Variants in DAB1 observed in about 807,000 individuals in gnomAD.
DAB1 encodes the protein DAB adaptor protein 1, also known as disabled homolog 1.
A neutral mutation model predicts 64.6 loss-of-function variants in DAB1; 15 were observed. That is an observed-to-expected ratio of 0.23 (90% CI 0.16 to 0.36). The LOEUF is 0.36. Ranked by LOEUF, DAB1 falls within the 10% of genes least tolerant of loss-of-function variation. The pLI, the probability that DAB1 is intolerant of heterozygous loss-of-function variation, is 1.00. For missense variants in DAB1, 596 were observed against 706.7 expected, an observed-to-expected ratio of 0.84 and a Z score of 1.78; for synonymous variants, 235 against 251.9, an observed-to-expected ratio of 0.93 and a Z score of 0.64.
At chr1:57,868,349 G>C (rs868757882) in intron 1 of DAB1, among the ~76,000 whole-genome samples, 2 of 152,102 alleles carry the variant, frequency 1.3e-5, no homozygotes, top group African/African-American at 4.8e-5. Context: ...GATTTCTTTC[G>C]TGCTGGGAGG....
At chr1:58,327,909 A>G (rs1446927528) in intron 4 of DAB1, among the ~76,000 whole-genome samples, 1 of 152,210 alleles carries the variant, frequency 6.6e-6, no homozygotes, top group Non-Finnish European at 1.5e-5. Context: ...TAAACCACCC[A>G]GATCCCCCTT....
chr1:57,375,454 TTA>T (rs1416746192), intron 1 of DAB1, among the ~76,000 whole-genome samples: 1 of 151,984 alleles, frequency 6.6e-6, no homozygotes, highest in African/African-American at 2.4e-5. Context: ...CAGCCAAGAG[TTA>T]TATGATGCTT....
At chr1:57,973,274 A>G (rs1645841492) in intron 5 of DAB1, among the ~76,000 whole-genome samples, 2 of 152,196 alleles carry the variant, frequency 1.3e-5, no homozygotes, top group Non-Finnish European at 2.9e-5. Flanking sequence ...CAGAAGCTCA[A>G]AGAGGCAAGG....
intron 1 of DAB1, among the ~76,000 whole-genome samples, chr1:57,397,162 A>G (rs984294173): frequency 1.3e-5 from 2 of 152,194 alleles, no homozygotes; most frequent in African/African-American, 2.4e-5. Flanking sequence ...TTTGGGAAAG[A>G]AAACACATTA....
intron 4 of DAB1, among the ~76,000 whole-genome samples, chr1:58,223,760 G>A (rs602226): frequency 0.95 from 145,052 of 152,258 alleles, 69,228 homozygotes; most frequent in Non-Finnish European, 0.98. Context: ...GGAATCCCCA[G>A]TCCTGCTGGT....
chr1:57,880,749 C>T (rs1050669061), intron 1 of DAB1: 2 of 152,168 alleles, frequency 1.3e-5, no homozygotes. Flanking sequence ...TGGATACTTG[C>T]TCAAGCACCA....
intron 3 of DAB1, among the ~76,000 whole-genome samples, chr1:58,401,278 T>C (rs939335385): frequency 6.6e-6 from 1 of 152,190 alleles, no homozygotes; most frequent in African/African-American, 2.4e-5. Context: ...GACCTCGTCT[T>C]CTGCTCCCAC....
At chr1:57,436,547 TA>T (rs1234482818) in intron 7 of DAB1, among the ~76,000 whole-genome samples, 1 of 152,206 alleles carries the variant, frequency 6.6e-6, no homozygotes, top group African/African-American at 2.4e-5. Flanking sequence ...AAGTCCTGAA[TA>T]AAATGTTATA....
In DAB1 at chr1:57,158,906, T is replaced by C. The variant is rs528933618; in HGVS notation, c.68-13477A>G. On this transcript the variant is annotated intron_variant, in intron 2 of 14. Coordinates refer to ENST00000371236, the MANE Select transcript of DAB1 (RefSeq NM_001365792.1). Reference sequence around the variant, plus strand: ...AATGTTCTCTGGTACTTCTGAAAAGTGCCTTGCATAAAAGGCATCTGGAAT... The same window carrying C: ...AATGTTCTCTGGTACTTCTGAAAAGCGCCTTGCATAAAAGGCATCTGGAAT... 7.2e-5 allele frequency among the ~76,000 whole-genome samples: 11 copies of C among 152,354 alleles called. No homozygotes were observed. The South Asian group carries it at 1.7e-3, about 23-fold the overall frequency.
At chr1:57,191,793 C>T (rs1188290346) in intron 2 of DAB1, among the ~76,000 whole-genome samples, 1 of 152,094 alleles carries the variant, frequency 6.6e-6, no homozygotes, top group Non-Finnish European at 1.5e-5. Context: ...TTTTGATCCT[C>T]ATGGGGTAGT....
chr1:57,608,194 A>G (rs1645680631), intron 7 of DAB1, among the ~76,000 whole-genome samples: 1 of 152,154 alleles, frequency 6.6e-6, no homozygotes, highest in African/African-American at 2.4e-5. Context: ...TATAAAATAT[A>G]TACAAAACAG....
intron 8 of DAB1, among the ~76,000 whole-genome samples, chr1:57,064,254 T>C (rs1650689016): frequency 6.6e-6 from 1 of 152,252 alleles, no homozygotes; most frequent in Non-Finnish European, 1.5e-5. Context: ...GTATCATCTC[T>C]ACTTTAAATA....
intron 2 of DAB1, among the ~76,000 whole-genome samples, chr1:57,241,215 T>C (rs534598564): frequency 1.3e-5 from 2 of 152,256 alleles, no homozygotes; most frequent in South Asian, 4.1e-4. Flanking sequence ...TTGTCACCCA[T>C]CAGTCAACAC....
At chr1:57,437,102 G>A (rs966102320) in intron 7 of DAB1, among the ~76,000 whole-genome samples, 1 of 151,802 alleles carries the variant, frequency 6.6e-6, no homozygotes, top group Non-Finnish European at 1.5e-5. Context: ...TGATGGTTTG[G>A]CAGGAATTTG....
chr1:57,192,963 A>G (rs1664275102), intron 2 of DAB1, among the ~76,000 whole-genome samples: 1 of 152,158 alleles, frequency 6.6e-6, no homozygotes, highest in South Asian at 2.1e-4. Flanking sequence ...ATATATATTT[A>G]CAGTGTACAA....
At chr1:57,568,823 G>C (rs1283975156) in intron 7 of DAB1, among the ~76,000 whole-genome samples, 1 of 152,106 alleles carries the variant, frequency 6.6e-6, no homozygotes, top group Non-Finnish European at 1.5e-5. Flanking sequence ...CTTTTACACT[G>C]TTGGTGGGAC....
intron 6 of DAB1, among the ~76,000 whole-genome samples, chr1:57,768,110 G>A (rs180973868): frequency 4.2e-4 from 62 of 148,542 alleles, no homozygotes; most frequent in African/African-American, 1.5e-3. Flanking sequence ...CTGGGATACC[G>A]AGGTTGCAGT....
At chr1:57,884,831 C>T (rs1156513280), upstream of DAB1, among the ~76,000 whole-genome samples, 1 of 152,146 alleles carries the variant, frequency 6.6e-6, no homozygotes, top group Non-Finnish European at 1.5e-5. Flanking sequence ...AGTGAGTTCT[C>T]GCTCTGTTAG....
chr1:58,519,373 T>A (rs894059779), intron 2 of DAB1, among the ~76,000 whole-genome samples: 1 of 152,162 alleles, frequency 6.6e-6, no homozygotes, highest in Admixed American at 6.5e-5. Flanking sequence ...ACAGGATTCA[T>A]CTGCAGACAC....
Sources: gnomAD v4.1 joint callset for allele counts (sites outside exome capture counted in the v4.1 genomes callset) on GRCh38, gnomAD v4.1.1 for gene constraint, MANE v1.5 for transcripts, NCBI Gene and HGNC (gene_info 2026-07-23, HGNC 2026-07-21) for gene names.